Variants in EIF2D observed in about 807,000 individuals in gnomAD.
EIF2D encodes hepatocellular carcinoma-associated antigen 56.
In EIF2D, 56 loss-of-function variants were observed where a neutral mutation model predicts 77.4. The ratio of observed to expected loss-of-function variants is 0.72; its 90% confidence interval spans 0.58 to 0.90. The LOEUF (loss-of-function observed/expected upper bound fraction) is 0.90, where lower values mean the gene tolerates loss of function less well. Among genes scored for constraint, EIF2D ranks in the 40% least tolerant of loss-of-function variants. EIF2D has a pLI of 0.00. For missense variants in EIF2D, 574 were observed against 706.5 expected (o/e 0.81, Z 2.13); for synonymous variants, 230 against 271.0 (o/e 0.85, Z 1.49).
intron 3 of EIF2D, among the ~76,000 whole-genome samples, chr1:206,608,600 G>A (rs533538963): frequency 2.2e-4 from 33 of 152,306 alleles, no homozygotes; most frequent in Admixed American, 1.7e-3. Context: ...TGTCCTGGCC[G>A]GGCGCAGTGC....
chr1:206,581,178 G>C (rs1558522313), intron 2 of EIF2D: 1 of 152,238 alleles, frequency 6.6e-6, no homozygotes. Flanking sequence ...AAATAAGAAT[G>C]ACATACATAG....
At chr1:206,595,635 A>G in intron 13 of EIF2D, 83 bp downstream of exon 13, 1 of 1,513,952 alleles carries the variant, frequency 6.6e-7, no homozygotes, top group Non-Finnish European at 8.9e-7. Flanking sequence ...CCAATCTAAA[A>G]ACCTCCAATC....
rs545894272 is a variant in EIF2D, at chr1:206,584,439, G to A, written c.139-3277C>T. ...ATCAAAGTGCATCTGAAACTCCGGC[G>A]GCCTGTGACGGTGCCTGCTGGGATC... On this transcript the variant is annotated intron_variant and NMD_transcript_variant, in intron 2 of 5. Coordinates refer to the EIF2D transcript ENST00000472709. This position sits in a 1 kb window ranked among gnomAD's most constrained non-coding sequence, Gnocchi z 4.9. The A allele has an allele frequency of 1.3e-4, 215 of 1,614,098 alleles. 1 individual carries two copies. In the East Asian group the frequency reaches 1.4e-3, roughly 10 times the overall value.
At chr1:206,583,528 C>G in intron 2 of EIF2D, 1 of 627,642 alleles carries the variant, frequency 1.6e-6, no homozygotes, top group Non-Finnish European at 2.9e-6. Flanking sequence ...GTCTGGAAGG[C>G]TGATAGCCAG....
In EIF2D at chr1:206,612,449, G is replaced by T. The variant is rs1468788741; in HGVS notation, c.-107C>A. 1 of 1,458,830 alleles carries T rather than the reference G, an allele frequency of 6.9e-7. No individual in the cohort carries two copies. The highest frequency in any genetic ancestry group is 1.1e-5 in the South Asian group (1 of 87,430). The allele number at this position is 1,458,830 out of a possible 1,614,324, so 90.4% of individuals were successfully genotyped here. A position where few individuals can be genotyped will look rare whatever the true frequency, so the allele number is the denominator to read the frequency against. ...CAGCCGTGGGGGCAGCCATGCTGGGGCCCGGCCGCGAAAAGGGCCCGGCTG... is the reference window on the plus strand; with the variant it reads ...CAGCCGTGGGGGCAGCCATGCTGGGTCCCGGCCGCGAAAAGGGCCCGGCTG... On this transcript the variant is annotated 5_prime_UTR_variant, in exon 1 of 15. Transcript: ENST00000271764.
intron 6 of EIF2D, 144 bp from the exon 7 acceptor site, chr1:206,602,597 T>C: frequency 1.4e-6 from 1 of 737,542 alleles, no homozygotes; most frequent in South Asian, 1.7e-5. Flanking sequence ...CCAGCCTCTC[T>C]TGAGCACTGA....
At chr1:206,587,305 C>T (rs779954865), downstream of EIF2D, 4 of 355,944 alleles carry the variant, frequency 1.1e-5, no homozygotes, top group Middle Eastern at 9.8e-4. Flanking sequence ...TCACACCAGC[C>T]GGCAAAGGAA....
chr1:206,589,419 G>A (rs1669270635), downstream of EIF2D: 1 of 152,362 alleles, frequency 6.6e-6, no homozygotes, highest in Non-Finnish European at 1.5e-5. Context: ...GAAGGCTACT[G>A]TTCAAATAAT....
At chr1:206,610,444 A>G (rs1328218838) in intron 2 of EIF2D, among the ~76,000 whole-genome samples, 1 of 152,112 alleles carries the variant, frequency 6.6e-6, no homozygotes, top group African/African-American at 2.4e-5. Context: ...CCTTAAGCAC[A>G]GGAGGTTGAG....
chr1:206,596,323 A>G (rs2102280429), intron 12 of EIF2D, among the ~76,000 whole-genome samples: 1 of 152,330 alleles, frequency 6.6e-6, no homozygotes, highest in African/African-American at 2.4e-5. Flanking sequence ...CAGGATCAAC[A>G]ACTTTTTCTA....
At chr1:206,601,606 C>T (rs2096423544) in intron 7 of EIF2D, 1 of 152,010 alleles carries the variant, frequency 6.6e-6, no homozygotes, top group Non-Finnish European at 1.5e-5. Flanking sequence ...AATTCAATCT[C>T]AGGGTAAAAA....
intron 11 of EIF2D, among the ~76,000 whole-genome samples, chr1:206,598,223 C>T (rs930953724): frequency 4.0e-5 from 6 of 151,522 alleles, no homozygotes; most frequent in East Asian, 1.9e-4. Context: ...TTTTTTGTAG[C>T]GACAGGGTTT....
At chr1:206,611,518 T>C in intron 1 of EIF2D, 144 bp from the exon 2 acceptor site, 1 of 625,236 alleles carries the variant, frequency 1.6e-6, no homozygotes, top group Non-Finnish European at 2.7e-6. Flanking sequence ...TCACACACAC[T>C]CTTCTGAAAC....
intron 4 of EIF2D, among the ~76,000 whole-genome samples, chr1:206,607,647 T>C (rs1410923793): frequency 6.6e-6 from 1 of 151,626 alleles, no homozygotes; most frequent in Non-Finnish European, 1.5e-5. Flanking sequence ...ATGAGGATAA[T>C]GATATGCATA....
intron 13 of EIF2D, 76 bp downstream of exon 13, chr1:206,595,642 A>C: frequency 6.5e-7 from 1 of 1,530,702 alleles, no homozygotes; most frequent in Non-Finnish European, 8.8e-7. Context: ...AAAAACCTCC[A>C]ATCACATTAG....
In EIF2D at chr1:206,599,888, C is replaced by T. The variant is rs1553410957; in HGVS notation, c.949-52G>A. The T allele has an allele frequency of 1.9e-6, 3 of 1,554,640 alleles. No homozygotes were observed. Among genetic ancestry groups the T allele is most frequent in the African/African-American group, 1.4e-5 (1 of 73,744 alleles). ...GGACTTCATTGATTCCACACACATA[C>T]TGAGCACCCAGGATGTGCCAGAGTG... On this transcript the variant is annotated intron_variant, in intron 8 of 14. Coordinates refer to ENST00000271764, the MANE Select transcript of EIF2D (RefSeq NM_006893.3). The surrounding 1 kb of genome is among the most constrained non-coding windows in gnomAD (Gnocchi z 4.1).
chr1:206,581,833 C>T (rs1383604844), intron 2 of EIF2D, among the ~76,000 whole-genome samples: 2 of 151,944 alleles, frequency 1.3e-5, no homozygotes, highest in Non-Finnish European at 2.9e-5. Flanking sequence ...GGCGTGTCTC[C>T]CACATGGCTT....
intron 4 of EIF2D, among the ~76,000 whole-genome samples, chr1:206,575,707 G>T (rs574091835): frequency 6.6e-6 from 1 of 152,310 alleles, no homozygotes; most frequent in Admixed American, 6.5e-5. Flanking sequence ...CTGCGAAGGG[G>T]CCCTTAGAGC....
intron 2 of EIF2D, among the ~76,000 whole-genome samples, chr1:206,610,743 C>T (rs745935695): frequency 1.2e-4 from 19 of 152,068 alleles, no homozygotes; most frequent in Non-Finnish European, 2.1e-4. Context: ...ATGGTGTGAA[C>T]CCAGGAGGCG....
Sources: gnomAD v4.1 joint callset for allele counts (sites outside exome capture counted in the v4.1 genomes callset) on GRCh38, gnomAD v4.1.1 for gene constraint, Gnocchi (gnomAD v3.1) non-coding constraint, MANE v1.5 for transcripts, NCBI Gene and HGNC (gene_info 2026-07-23, HGNC 2026-07-21) for gene names.